Variants in DCAF10 observed in about 807,000 individuals in gnomAD.
The protein encoded by DCAF10 is DDB1 and CUL4 associated factor 10.
In DCAF10, 19 loss-of-function variants were observed where a neutral mutation model predicts 51.9. The observed-to-expected ratio is 0.37, with a 90% confidence interval of 0.26 to 0.54. DCAF10 has a LOEUF of 0.54. DCAF10 is among the 20% of genes least tolerant of loss of function. DCAF10 has a pLI of 0.87. For missense variants in DCAF10, 510 were observed against 730.6 expected (o/e 0.70, Z 3.48); for synonymous variants, 291 against 297.1 (o/e 0.98, Z 0.21).
intron 2 of DCAF10, among the ~76,000 whole-genome samples, chr9:37,840,307 A>G (rs1286778304): frequency 6.6e-6 from 1 of 152,206 alleles, no homozygotes; most frequent in Non-Finnish European, 1.5e-5. Flanking sequence ...GTTCTTCAGG[A>G]GGTATTCCAG....
intron 2 of DCAF10, chr9:37,836,497 T>G: frequency 1.1e-6 from 1 of 950,138 alleles, no homozygotes; most frequent in Non-Finnish European, 1.7e-6. Context: ...GATTTGAGTC[T>G]GCCCTAACTG....
chr9:37,800,941 C>G lies in DCAF10; in HGVS notation c.75C>G (p.His25Gln), dbSNP rs1454244352. 2.7e-6 allele frequency: 4 copies of G among 1,498,744 alleles called. No homozygotes were observed. The highest frequency in any genetic ancestry group is 3.5e-6 in the Non-Finnish European group (4 of 1,130,942). 92.8% of individuals were successfully genotyped at this position (1,498,744 alleles called of 1,614,324 possible). The change falls in exon 1 of 7, where the codon CAC becomes CAG. Residue 25 changes from histidine (H) to glutamine (Q), a missense_variant. By Grantham distance (24) the His-to-Gln change is conservative (BLOSUM62 0). This residue lies in a region of DCAF10 where 251 missense variants were observed against 227.9 expected (regional missense o/e 1.10). Coordinates refer to ENST00000377724, the MANE Select transcript of DCAF10 (RefSeq NM_024345.5). ...AGAGAEEPTP[H>Q]EGQAAATGPP... is the part of the protein sequence containing the mutation. ...CCGGGGCTGAGGAGCCGACGCCCCACGAGGGGCAGGCAGCAGCCACCGGGC... is the reference window on the plus strand; with the variant it reads ...CCGGGGCTGAGGAGCCGACGCCCCAGGAGGGGCAGGCAGCAGCCACCGGGC...
chr9:37,825,200 A>C (rs1221160145), intron 2 of DCAF10, among the ~76,000 whole-genome samples: 1 of 152,226 alleles, frequency 6.6e-6, no homozygotes, highest in Non-Finnish European at 1.5e-5. Context: ...TCAAAGACCT[A>C]AAAACAACTA....
At chr9:37,807,659 T>TA (rs1554684047) in intron 1 of DCAF10, among the ~76,000 whole-genome samples, 360 of 10,632 alleles carry the variant, frequency 0.034, 1 homozygote, top group Non-Finnish European at 0.058. Flanking sequence ...TTTTCTTTTC[T>TA]TTTTTTTTTT....
intron 3 of DCAF10, among the ~76,000 whole-genome samples, chr9:37,848,918 A>G (rs1162646613): frequency 2.0e-5 from 3 of 150,244 alleles, no homozygotes; most frequent in Non-Finnish European, 4.4e-5. Flanking sequence ...GGTTCCAGTG[A>G]GTCAAGATCA....
chr9:37,814,018 A>G (rs62539390), intron 1 of DCAF10, among the ~76,000 whole-genome samples: 18,944 of 146,840 alleles, frequency 0.13, 1,422 homozygotes, highest in Middle Eastern at 0.19. Flanking sequence ...TTATACCCAA[A>G]GAAGGTAAAA....
At chr9:37,806,355 A>C (rs1181326102) in intron 1 of DCAF10, among the ~76,000 whole-genome samples, 1 of 152,192 alleles carries the variant, frequency 6.6e-6, no homozygotes. Context: ...ACAGCAAGAG[A>C]CTGTCAGCAA....
At chr9:37,830,165 A>G (rs955068466) in intron 2 of DCAF10, among the ~76,000 whole-genome samples, 1 of 152,240 alleles carries the variant, frequency 6.6e-6, no homozygotes, top group Non-Finnish European at 1.5e-5. Context: ...TACTCATACA[A>G]TGAAATACTA....
In DCAF10 at chr9:37,801,071, G is replaced by A. The variant is rs775273508; in HGVS notation, c.205G>A (p.Gly69Arg). 25 of 1,531,072 alleles carry A rather than the reference G, an allele frequency of 1.6e-5. No individual in the cohort carries two copies. In the East Asian group the frequency reaches 4.6e-4, roughly 28 times the overall value. The allele number at this position is 1,531,072 out of a possible 1,614,324, so 94.8% of individuals were successfully genotyped here. Residue 69 changes from glycine to arginine, a missense_variant, in exon 1 of 7, where the codon GGA becomes AGA. By Grantham distance (125) the Gly-to-Arg change is moderately radical (BLOSUM62 -2). Coordinates refer to ENST00000377724, the MANE Select transcript of DCAF10 (RefSeq NM_024345.5). This position sits in a 1 kb window ranked among gnomAD's most constrained non-coding sequence, Gnocchi z 5.5. Reference protein sequence around the residue: ...APSLSPAPRSGELGLPGAPES... With the variant: ...APSLSPAPRSRELGLPGAPES... ...ATCGCTGTCCCCGGCCCCGCGCTCCGGAGAGCTAGGGCTGCCTGGAGCTCC... is the reference window on the plus strand; with the variant it reads ...ATCGCTGTCCCCGGCCCCGCGCTCCAGAGAGCTAGGGCTGCCTGGAGCTCC...
chr9:37,861,412 T>C lies in DCAF10; in HGVS notation c.1584T>C (p.Asn528=), dbSNP rs1052732603. 2.5e-6 allele frequency: 4 copies of C among 1,614,190 alleles called. No homozygotes were observed. The African/African-American group carries it at 5.3e-5, about 22-fold the overall frequency. ...LRVIRSLYSH[N]DVVLTTKFSP... is the part of the protein sequence containing the mutation. ...TGATCCGTTCTCTGTACTCTCATAA[T>C]GATGTGGTACTGACAACAAAGTTCT... The change falls in exon 7 of 7, where the codon AAT becomes AAC. Residue 528 remains asparagine (N), a synonymous_variant. Coordinates refer to ENST00000377724, the MANE Select transcript of DCAF10 (RefSeq NM_024345.5). This position sits in a 1 kb window ranked among gnomAD's most constrained non-coding sequence, Gnocchi z 4.9.
At chr9:37,828,998 A>C (rs1311341669) in intron 2 of DCAF10, among the ~76,000 whole-genome samples, 1 of 152,238 alleles carries the variant, frequency 6.6e-6, no homozygotes, top group Non-Finnish European at 1.5e-5. Flanking sequence ...CAACTGCATA[A>C]AAATTTTAAA....
chr9:37,810,540 C>A (rs1008844820), intron 1 of DCAF10, among the ~76,000 whole-genome samples: 33 of 151,922 alleles, frequency 2.2e-4, no homozygotes, highest in Non-Finnish European at 8.8e-5. Context: ...TGGCTCATTG[C>A]AACCTCTGCC....
In DCAF10 at chr9:37,839,347, A is replaced by G. The variant is rs1589102564; in HGVS notation, c.654-2742A>G. 3.3e-5 allele frequency among the ~76,000 whole-genome samples: 5 copies of G among 152,296 alleles called. No homozygotes were observed. The East Asian group carries it at 9.6e-4, about 29-fold the overall frequency. On this transcript the variant is annotated intron_variant, in intron 2 of 6. Transcript: ENST00000377724. Reference sequence around the variant, plus strand: ...AGTGCTGGGATTACAGGCGTGAGCCACTGCGCCCAGCCGATTTTTTTTCAT... The same window carrying G: ...AGTGCTGGGATTACAGGCGTGAGCCGCTGCGCCCAGCCGATTTTTTTTCAT...
At position 37,861,164 on chromosome 9, in the gene DCAF10, G is replaced by C. The variant is rs1831003825; in HGVS notation, c.1336G>C (p.Glu446Gln). ...EECTCVYEFQ[E>Q]GAPVRPVSPR... ...GTGTACTTGTGTCTATGAATTCCAAGAAGGAGCTCCAGTGCGACCTGTCTC... is the reference window on the plus strand; with the variant it reads ...GTGTACTTGTGTCTATGAATTCCAACAAGGAGCTCCAGTGCGACCTGTCTC... The change falls in exon 7 of 7, where the codon GAA becomes CAA. Residue 446 changes from glutamate (E) to glutamine (Q), a missense_variant. By Grantham distance (29) the Glu-to-Gln change is conservative. This residue lies in a region of DCAF10 where 104 missense variants were observed against 206.2 expected (regional missense o/e 0.50). Coordinates refer to ENST00000377724, the MANE Select transcript of DCAF10 (RefSeq NM_024345.5). This position sits in a 1 kb window ranked among gnomAD's most constrained non-coding sequence, Gnocchi z 4.9. The C allele has an allele frequency of 6.2e-7, 1 of 1,602,774 alleles. No homozygotes were observed.
chr9:37,852,169 G>T (rs545088707), intron 3 of DCAF10, among the ~76,000 whole-genome samples: 5 of 152,130 alleles, frequency 3.3e-5, no homozygotes, highest in African/African-American at 9.6e-5. Flanking sequence ...GATAAATTAC[G>T]CAAAGTAATA....
At chr9:37,824,062 G>A (rs111807888) in intron 2 of DCAF10, among the ~76,000 whole-genome samples, 28,968 of 151,696 alleles carry the variant, frequency 0.19, 3,153 homozygotes, top group African/African-American at 0.29. Context: ...TGTATTTTTA[G>A]TAGAGATGGG....
At chr9:37,809,652 G>T (rs943262055) in intron 1 of DCAF10, among the ~76,000 whole-genome samples, 8 of 151,928 alleles carry the variant, frequency 5.3e-5, no homozygotes, top group African/African-American at 1.9e-4. Context: ...TGGCTAACAG[G>T]CGAAGCCCTG....
chr9:37,854,966 A>C lies in DCAF10; in HGVS notation c.1038A>C (p.Arg346Ser). Residue 346 changes from arginine to serine, a missense_variant, in exon 4 of 7, where the codon AGA becomes AGC. By Grantham distance (110) the Arg-to-Ser change is moderately radical. Transcript: ENST00000377724. ...VGSYPILRARRTTSSSDLTTS... is the reference protein window; with the variant it reads ...VGSYPILRARSTTSSSDLTTS... ...GCTATCCCATTTTAAGAGCAAGAAG[A>C]ACTACTTCAAGTTCAGGTAAGCTTT... The C allele has an allele frequency of 6.2e-7, 1 of 1,609,152 alleles. No individual in the cohort carries two copies. Among genetic ancestry groups the C allele is most frequent in the South Asian group, 1.1e-5 (1 of 89,460 alleles).
In DCAF10 at chr9:37,810,280, C is replaced by T. The variant is rs567810780; in HGVS notation, c.539+8875C>T. On this transcript the variant is annotated intron_variant, in intron 1 of 6. Coordinates refer to ENST00000377724, the MANE Select transcript of DCAF10 (RefSeq NM_024345.5). Reference sequence around the variant, plus strand: ...AATATTTAATGTAAGATATAGAAAGCTTATGTGTGAGGGGATTAGAGCATT... The same window carrying T: ...AATATTTAATGTAAGATATAGAAAGTTTATGTGTGAGGGGATTAGAGCATT... Among the ~76,000 whole-genome samples the T allele has an allele frequency of 2.6e-5, 4 of 151,862 alleles. No individual in the cohort carries two copies. In the South Asian group the frequency reaches 8.3e-4, roughly 32 times the overall value.
Sources: gnomAD v4.1 joint callset for allele counts (sites outside exome capture counted in the v4.1 genomes callset) on GRCh38, gnomAD v4.1.1 for gene constraint, gnomAD v4.1.1 regional missense constraint, Gnocchi (gnomAD v3.1) non-coding constraint, MANE v1.5 for transcripts, NCBI Gene and HGNC (gene_info 2026-07-23, HGNC 2026-07-21) for gene names.